IL1R1: variants seen among roughly 807,000 people sequenced by gnomAD.
IL1R1 encodes interleukin 1 receptor type 1.
Under a neutral mutation model 50.2 loss-of-function variants are expected in IL1R1, and 22 were observed. The observed-to-expected ratio is 0.44, with a 90% CI of 0.31 to 0.63. IL1R1 has a LOEUF of 0.63. Ranked by LOEUF, IL1R1 falls within the 20% of genes least tolerant of loss-of-function variation. The pLI, the probability that IL1R1 is intolerant of heterozygous loss-of-function variation, is 0.07. For synonymous variants in IL1R1, 251 were observed against 236.7 expected, an observed-to-expected ratio of 1.06 and a Z score of -0.55; for missense variants, 509 against 676.2, an observed-to-expected ratio of 0.75 and a Z score of 2.74.
chr2:102,121,893 G>A (rs1681426540), intron 1 of IL1R1, among the ~76,000 whole-genome samples: 1 of 152,118 alleles, frequency 6.6e-6, no homozygotes, highest in African/African-American at 2.4e-5. Context: ...TTAAAGCCAT[G>A]CAACACTTTT....
intron 9 of IL1R1, 44 bp downstream of exon 9, chr2:102,172,882 T>C (rs1685809430): frequency 7.1e-7 from 1 of 1,406,272 alleles, no homozygotes; most frequent in African/African-American, 1.4e-5. Context: ...TTTACTGTAG[T>C]AAGATTCCAT....
At chr2:102,124,023 C>T (rs1170463181) in intron 1 of IL1R1, among the ~76,000 whole-genome samples, 1 of 152,032 alleles carries the variant, frequency 6.6e-6, no homozygotes, top group Non-Finnish European at 1.5e-5. Flanking sequence ...GTAAAGTACT[C>T]ACACACTACC....
At chr2:102,143,780 G>A (rs1682881215) in intron 1 of IL1R1, among the ~76,000 whole-genome samples, 3 of 152,218 alleles carry the variant, frequency 2.0e-5, no homozygotes, top group Admixed American at 2.0e-4. Context: ...GGGAAGGCAC[G>A]CAGATGCTGG....
At chr2:102,110,299 G>A (rs1025821778) in intron 1 of IL1R1, among the ~76,000 whole-genome samples, 3 of 152,136 alleles carry the variant, frequency 2.0e-5, no homozygotes, top group Non-Finnish European at 4.4e-5. Flanking sequence ...GCAATGTTGC[G>A]ACCAGTGGCA....
chr2:102,139,327 T>TC (rs1682511786), upstream of IL1R1, among the ~76,000 whole-genome samples: 1 of 152,216 alleles, frequency 6.6e-6, no homozygotes, highest in Non-Finnish European at 1.5e-5. Flanking sequence ...AGGCAGCCTG[T>TC]CCTCAGGCCC....
At chr2:102,138,187 G>A (rs1245135214), upstream of IL1R1, among the ~76,000 whole-genome samples, 1 of 152,172 alleles carries the variant, frequency 6.6e-6, no homozygotes, top group Non-Finnish European at 1.5e-5. Flanking sequence ...GCAATCAGAA[G>A]CCAGTGGCAT....
chr2:102,091,297 CTA>C (rs1477797238), intron 1 of IL1R1, among the ~76,000 whole-genome samples: 2 of 152,096 alleles, frequency 1.3e-5, no homozygotes, highest in African/African-American at 4.8e-5. Flanking sequence ...CTTGGATAGC[CTA>C]TGAGTGTATG....
chr2:102,129,552 A>G (rs1253066939), intron 1 of IL1R1, among the ~76,000 whole-genome samples: 1 of 152,168 alleles, frequency 6.6e-6, no homozygotes, highest in Non-Finnish European at 1.5e-5. Context: ...GTACCCCCTA[A>G]AGGAGCAGTT....
At position 102,172,709 on chromosome 2, in the gene IL1R1, A is replaced by G; in HGVS notation, c.862A>G (p.Arg288Gly). The change falls in exon 9 of 12, where the codon AGA (arginine) becomes GGA (glycine). Residue 288 changes from arginine to glycine, a missense_variant. Coordinates refer to ENST00000410023, the MANE Select transcript of IL1R1 (RefSeq NM_000877.4). ...TAGTGTGGAAAATCCTGCAAACAAA[A>G]GAAGGAGTACCCTCATCACAGTGCT... is the stretch of plus-strand genomic sequence containing the variant. ...YYSVENPANKRRSTLITVLNI... is the reference protein window; with the variant it reads ...YYSVENPANKGRSTLITVLNI... The G allele has an allele frequency of 1.9e-6, 3 of 1,604,710 alleles. No individual in the cohort carries two copies. In the South Asian group the frequency reaches 3.3e-5, roughly 18 times the overall value.
chr2:102,078,594 A>ACACACC (rs1679077450), intron 1 of IL1R1, among the ~76,000 whole-genome samples: 1 of 149,618 alleles, frequency 6.7e-6, no homozygotes, highest in Non-Finnish European at 1.5e-5. Context: ...ACACACACAC[A>ACACACC]CACACAAGAA....
At chr2:102,090,198 C>T (rs1679606845) in intron 1 of IL1R1, among the ~76,000 whole-genome samples, 1 of 149,952 alleles carries the variant, frequency 6.7e-6, no homozygotes, top group South Asian at 2.1e-4. Context: ...TTGTCCCCTC[C>T]TCATCACCAC....
intron 1 of IL1R1, among the ~76,000 whole-genome samples, chr2:102,126,590 G>GTT (rs80318019): frequency 8.5e-5 from 12 of 140,860 alleles, no homozygotes; most frequent in South Asian, 2.3e-4. Context: ...TGTTTGAAAG[G>GTT]TTTTTTTTTT....
intron 1 of IL1R1, among the ~76,000 whole-genome samples, chr2:102,131,279 C>T (rs1682015445): frequency 6.6e-6 from 1 of 152,146 alleles, no homozygotes; most frequent in African/African-American, 2.4e-5. Flanking sequence ...AACTCAAATG[C>T]ATCCTAAGAC....
intron 1 of IL1R1, among the ~76,000 whole-genome samples, chr2:102,120,833 C>A (rs1681363525): frequency 6.6e-6 from 1 of 152,136 alleles, no homozygotes; most frequent in Non-Finnish European, 1.5e-5. Flanking sequence ...TGGAACACTG[C>A]CTAGTACATG....
chr2:102,099,202 C>T (rs867019226), intron 1 of IL1R1, among the ~76,000 whole-genome samples: 4 of 152,096 alleles, frequency 2.6e-5, no homozygotes, highest in African/African-American at 7.2e-5. Context: ...GGCTTGGTTT[C>T]CTATTTCAAA....
intron 1 of IL1R1, among the ~76,000 whole-genome samples, chr2:102,106,252 CTG>C (rs752131314): frequency 2.6e-5 from 4 of 151,580 alleles, no homozygotes; most frequent in African/African-American, 9.7e-5. Context: ...GTGTGTGTGT[CTG>C]TGTGTGTGTG....
intron 3 of IL1R1, among the ~76,000 whole-genome samples, chr2:102,164,076 C>T (rs1469859856): frequency 1.3e-5 from 2 of 152,128 alleles, no homozygotes; most frequent in African/African-American, 4.8e-5. Context: ...GTTACTCCCT[C>T]CAGTTCGTTT....
rs767336592 is a variant in IL1R1 at position 102,176,693 on chromosome 2, A to C, written c.1644A>C (p.Lys548Asn). 2 of 1,614,200 alleles carry C rather than the reference A, an allele frequency of 1.2e-6. No individual in the cohort carries two copies. Among genetic ancestry groups the C allele is most frequent in the African/African-American group, 1.3e-5 (1 of 75,030 alleles). ...TCCAGCGACGGTCACCTTCATCTAA[A>C]CACCAGTTACTGTCACCAGCCACTA... Reference protein sequence around the residue: ...MPVQRRSPSSKHQLLSPATKE... With the variant: ...MPVQRRSPSSNHQLLSPATKE... Residue 548 changes from lysine (K) to asparagine (N), a missense_variant, in exon 12 of 12, where the codon AAA (lysine) becomes AAC (asparagine). Coordinates refer to ENST00000410023, the MANE Select transcript of IL1R1 (RefSeq NM_000877.4).
chr2:102,092,857 A>G (rs1439973026), intron 1 of IL1R1, among the ~76,000 whole-genome samples: 2 of 152,160 alleles, frequency 1.3e-5, no homozygotes, highest in African/African-American at 4.8e-5. Context: ...TTTCAGCCAG[A>G]GTAAGTGCAT....
Sources: allele counts gnomAD v4.1 joint callset (sites outside exome capture counted in the v4.1 genomes callset), GRCh38; gene constraint gnomAD v4.1.1; transcripts MANE v1.5; gene names NCBI Gene and HGNC (gene_info 2026-07-23, HGNC 2026-07-21).